Variants in MFHAS1 observed in about 807,000 individuals in gnomAD.
MFHAS1 encodes the protein malignant fibrous histiocytoma-amplified sequence 1.
Under a neutral mutation model 70.4 loss-of-function variants are expected in MFHAS1, and 50 were observed. That is an observed-to-expected ratio of 0.71 (90% CI 0.57 to 0.90). MFHAS1 has a LOEUF of 0.90. Ranked by LOEUF, MFHAS1 falls within the 40% of genes least tolerant of loss-of-function variation. The pLI is 0.00. For synonymous variants in MFHAS1, 952 were observed against 620.0 expected (o/e 1.54, Z -7.96); for missense variants, 1,795 against 1,347.6 (o/e 1.33, Z -5.20).
At chr8:8,876,929 G>A (rs1809319690) in intron 1 of MFHAS1, among the ~76,000 whole-genome samples, 1 of 150,626 alleles carries the variant, frequency 6.6e-6, no homozygotes, top group Admixed American at 6.6e-5. Context: ...GCAAGACTCA[G>A]TCAAAAAAAA....
In MFHAS1 at chr8:8,891,834, G is replaced by A. The variant is rs753442827; in HGVS notation, c.1225C>T (p.Arg409Trp). The change falls in exon 1 of 3, where the codon CGG (arginine) becomes TGG (tryptophan). Residue 409 changes from arginine (R) to tryptophan (W), a missense_variant. Physicochemically the swap from Arg to Trp is moderately radical, Grantham distance 101. Coordinates refer to ENST00000276282, the MANE Select transcript of MFHAS1 (RefSeq NM_004225.3). This position sits in a 1 kb window ranked among gnomAD's most constrained non-coding sequence, Gnocchi z 5.4. The stretch of plus-strand genomic sequence containing the variant: ...TGCCCCATCAGGAGCAGCTTGAGCC[G>A]GGGCTGCACCGCCGGCTGGGAATGA... The part of the protein sequence containing the change: ...LAHSQPAVQP[R>W]LKLLLMGHKA... 6.2e-7 allele frequency: 1 copy of A among 1,612,948 alleles called. No individual in the cohort carries two copies. The highest frequency in any genetic ancestry group is 2.2e-5 in the East Asian group (1 of 44,862).
intron 1 of MFHAS1, among the ~76,000 whole-genome samples, chr8:8,822,354 C>T (rs1407035289): frequency 6.6e-6 from 1 of 152,130 alleles, no homozygotes; most frequent in Non-Finnish European, 1.5e-5. Flanking sequence ...TGAGATGGCA[C>T]TGAGACGTGA....
At chr8:8,858,670 C>G (rs1297332260) in intron 1 of MFHAS1, among the ~76,000 whole-genome samples, 2 of 152,034 alleles carry the variant, frequency 1.3e-5, no homozygotes, top group African/African-American at 4.8e-5. Context: ...TCTAGGGCCC[C>G]CATCCCCAGC....
chr8:8,864,925 A>G (rs1333344756), intron 1 of MFHAS1, among the ~76,000 whole-genome samples: 2 of 152,214 alleles, frequency 1.3e-5, no homozygotes, highest in Non-Finnish European at 2.9e-5. Flanking sequence ...GGTATGAACC[A>G]CATATTAGTT....
At chr8:8,788,389 C>A (rs1292553138) in intron 2 of MFHAS1, among the ~76,000 whole-genome samples, 1 of 152,154 alleles carries the variant, frequency 6.6e-6, no homozygotes, top group African/African-American at 2.4e-5. Flanking sequence ...ATAAAAAGTA[C>A]TGAGGAGAGC....
chr8:8,870,413 C>G (rs934028092), intron 1 of MFHAS1, among the ~76,000 whole-genome samples: 3 of 152,042 alleles, frequency 2.0e-5, no homozygotes, highest in African/African-American at 7.3e-5. Flanking sequence ...CTGTGGTAAG[C>G]TGAAATCGCG....
At chr8:8,830,727 C>T (rs377652538) in intron 1 of MFHAS1, among the ~76,000 whole-genome samples, 49 of 152,248 alleles carry the variant, frequency 3.2e-4, no homozygotes, top group African/African-American at 1.1e-3. Context: ...CTCAGCCTCC[C>T]GAGTAGCTGG....
In MFHAS1 at chr8:8,888,384, A is replaced by G. The variant is rs952377719; in HGVS notation, c.2998+1677T>C. 3.3e-5 allele frequency among the ~76,000 whole-genome samples: 5 copies of G among 152,134 alleles called. No individual in the cohort carries two copies. In the East Asian group the frequency reaches 7.7e-4, roughly 23 times the overall value. On this transcript the variant is annotated intron_variant, in intron 1 of 2. Coordinates refer to ENST00000276282, the MANE Select transcript of MFHAS1 (RefSeq NM_004225.3). Reference sequence around the variant, plus strand: ...AGAGTGGGACGCAGTCTTCCATTTCATCACCCCTCCGGGTCCCCTGGGGGT... The same window carrying G: ...AGAGTGGGACGCAGTCTTCCATTTCGTCACCCCTCCGGGTCCCCTGGGGGT...
At chr8:8,874,456 G>A (rs780675229) in intron 1 of MFHAS1, among the ~76,000 whole-genome samples, 60 of 152,084 alleles carry the variant, frequency 3.9e-4, no homozygotes, top group Non-Finnish European at 5.7e-4. Context: ...AATGCGAGGT[G>A]CAGAACAAGG....
chr8:8,800,107 A>C (rs1806034584), intron 1 of MFHAS1, among the ~76,000 whole-genome samples: 1 of 152,234 alleles, frequency 6.6e-6, no homozygotes, highest in African/African-American at 2.4e-5. Flanking sequence ...TGAGCAATCT[A>C]AAAACGCTAT....
rs144337679 is a variant in MFHAS1, at chr8:8,819,090, T to C, written c.2999-21599A>G. On this transcript the variant is annotated intron_variant, in intron 1 of 2. Coordinates refer to ENST00000276282, the MANE Select transcript of MFHAS1 (RefSeq NM_004225.3). ...GGCTAAATAAAGTCGGCTTATATAA[T>C]GGAATATCACGTGGCCAGTAAAAAA... Among the ~76,000 whole-genome samples the C allele has an allele frequency of 4.0e-3, 601 of 149,680 alleles. 4 individuals carry two copies. Among genetic ancestry groups the C allele is most frequent in the African/African-American group, 0.014 (565 of 41,290 alleles).
chr8:8,870,349 C>T (rs1396104935), intron 1 of MFHAS1, among the ~76,000 whole-genome samples: 1 of 151,166 alleles, frequency 6.6e-6, no homozygotes, highest in African/African-American at 2.4e-5. Context: ...CCTACAGTCT[C>T]AGCTAACTCG....
intron 1 of MFHAS1, among the ~76,000 whole-genome samples, chr8:8,873,454 A>G (rs571762218): frequency 4.0e-5 from 6 of 150,394 alleles, no homozygotes; most frequent in South Asian, 4.3e-4. Flanking sequence ...AGAAGCAACT[A>G]TAACAGGATT....
rs770549513 is a variant in MFHAS1, at chr8:8,890,201, C to T, written c.2858G>A (p.Trp953Ter). The change falls in exon 1 of 3, where the codon TGG (tryptophan) becomes TAG (stop). Residue 953 changes from tryptophan to a stop codon, truncating the protein, a stop_gained. Coordinates refer to ENST00000276282, the MANE Select transcript of MFHAS1 (RefSeq NM_004225.3). LOFTEE classifies it high-confidence loss of function. ...IASHASLPNI[W>*]TAWQAITPLV... ...GGGGGTTATGGCTTGCCATGCGGTC[C>T]ATATATTTGGTAATGATGCATGGCT... The T allele has an allele frequency of 6.2e-7, 1 of 1,614,148 alleles. No homozygotes were observed.
chr8:8,860,709 T>C (rs1177126750), intron 1 of MFHAS1, among the ~76,000 whole-genome samples: 4 of 152,112 alleles, frequency 2.6e-5, no homozygotes. Flanking sequence ...ATTCAAGCAA[T>C]AACTAAAGGA....
At chr8:8,793,012 G>C (rs972375752) in intron 2 of MFHAS1, among the ~76,000 whole-genome samples, 1 of 152,148 alleles carries the variant, frequency 6.6e-6, no homozygotes, top group Non-Finnish European at 1.5e-5. Flanking sequence ...TAATCAGCAA[G>C]GGGGAGAAGA....
chr8:8,801,174 C>T (rs1348672915), intron 1 of MFHAS1, among the ~76,000 whole-genome samples: 4 of 151,748 alleles, frequency 2.6e-5, no homozygotes, highest in Non-Finnish European at 4.4e-5. Flanking sequence ...AAGATTGAGA[C>T]ACTGCACTCC....
At chr8:8,866,027 A>G (rs1808842742) in intron 1 of MFHAS1, among the ~76,000 whole-genome samples, 1 of 152,208 alleles carries the variant, frequency 6.6e-6, no homozygotes, top group African/African-American at 2.4e-5. Flanking sequence ...GATGACAGAG[A>G]AGCTGAAATC....
rs1011591163 is a variant in MFHAS1 at position 8,854,901 on chromosome 8, G to T, written c.2998+35160C>A. Among the ~76,000 whole-genome samples, 21 of 151,990 alleles carry T rather than the reference G, an allele frequency of 1.4e-4. No individual in the cohort carries two copies. The East Asian group carries it at 4.1e-3, about 29-fold the overall frequency. The stretch of plus-strand genomic sequence containing the variant: ...GTTTTTTTGGTTTTGGGTTTTTGGG[G>T]TTTTGTTTGTTTGTTTCTTTGTTTT... On this transcript the variant is annotated intron_variant, in intron 1 of 2. Coordinates refer to ENST00000276282, the MANE Select transcript of MFHAS1 (RefSeq NM_004225.3).
Sources: gnomAD v4.1 joint callset for allele counts (sites outside exome capture counted in the v4.1 genomes callset) on GRCh38, gnomAD v4.1.1 for gene constraint, Gnocchi (gnomAD v3.1) non-coding constraint, MANE v1.5 for transcripts, NCBI Gene and HGNC (gene_info 2026-07-23, HGNC 2026-07-21) for gene names.